Variants in COL18A1 observed in about 807,000 individuals in gnomAD.
COL18A1 encodes collagen alpha-1(XVIII) chain.
A neutral mutation model predicts 168.0 loss-of-function variants in COL18A1; 133 were observed. The ratio of observed to expected loss-of-function variants is 0.79; its 90% CI spans 0.69 to 0.91. The LOEUF is 0.91. Among genes scored for constraint, COL18A1 ranks in the 40% least tolerant of loss-of-function variants. The pLI, the probability that COL18A1 is intolerant of heterozygous loss-of-function variation, is 0.00. For synonymous variants in COL18A1, 949 were observed against 809.0 expected (o/e 1.17, Z -2.94); for missense variants, 2,126 against 1,925.4 (o/e 1.10, Z -1.95).
Position 45,468,792 on chromosome 21 carries a change from C to G in COL18A1, c.651+6C>G, listed in dbSNP as rs755778352. The G allele has an allele frequency of 2.0e-5, 31 of 1,584,978 alleles. No individual in the cohort carries two copies. The East Asian group carries it at 6.3e-4, about 32-fold the overall frequency. On this transcript the variant is annotated splice_donor_region_variant and intron_variant, in intron 3 of 41. Coordinates refer to ENST00000651438, the MANE Select transcript of COL18A1 (RefSeq NM_001379500.1). ...CGGACCCTGACAAGTTCCAGGTAAC[C>G]CCCACTGTGCCGTCGCTGGGGGACT...
chr21:45,511,318 T>G, intron 41 of COL18A1, 92 bp downstream of exon 41: 1 of 730,722 alleles, frequency 1.4e-6, no homozygotes, highest in Non-Finnish European at 2.5e-6. Flanking sequence ...CCCCGAGTTT[T>G]TGGACAAATC....
chr21:45,499,940 G>A (rs183754214), intron 32 of COL18A1, among the ~76,000 whole-genome samples: 103 of 152,366 alleles, frequency 6.8e-4, no homozygotes, highest in Middle Eastern at 6.8e-3. Context: ...CTGTAAGTAT[G>A]ACGAGGGTAG....
chr21:45,472,946 G>GCCA (rs2035499052), intron 3 of COL18A1, among the ~76,000 whole-genome samples: 1 of 152,226 alleles, frequency 6.6e-6, no homozygotes, highest in African/African-American at 2.4e-5. Flanking sequence ...CCACTCCTGA[G>GCCA]CCACCTGCCT....
chr21:45,510,525 C>T (rs372046314), intron 40 of COL18A1, among the ~76,000 whole-genome samples: 7 of 152,170 alleles, frequency 4.6e-5, no homozygotes, highest in Non-Finnish European at 7.4e-5. Flanking sequence ...CCCGCTCCCC[C>T]GGCAGTGCCC....
intron 36 of COL18A1, 25 bp downstream of exon 36, chr21:45,505,456 G>T: frequency 7.6e-7 from 1 of 1,312,244 alleles, no homozygotes; most frequent in Non-Finnish European, 1.1e-6. Flanking sequence ...AGCCGGCTGG[G>T]CACCTGCGTC....
In COL18A1 at chr21:45,508,463, A is replaced by ATGGATGG. The variant is rs796574229; in HGVS notation, c.3249+874_3249+875insTGGTGGA. Among the ~76,000 whole-genome samples the ATGGATGG allele has an allele frequency of 4.2e-5, 3 of 71,780 alleles. 1 individual carries two copies. Among genetic ancestry groups the ATGGATGG allele is most frequent in the African/African-American group, 6.0e-5 (1 of 16,618 alleles). The allele number at this position is 71,780 out of a possible 152,430, so 47.1% of individuals were successfully genotyped here. On this transcript the variant is annotated intron_variant, in intron 38 of 41. Coordinates refer to ENST00000651438, the MANE Select transcript of COL18A1 (RefSeq NM_001379500.1). ...GGTAAGTGGGTGAGTGGATGGGTGG[A>ATGGATGG]TGGACAGGTGGGTGAGTGGATGGGT...
intron 2 of COL18A1, among the ~76,000 whole-genome samples, chr21:45,427,984 G>A (rs7278597): frequency 7.9e-4 from 121 of 152,304 alleles, no homozygotes; most frequent in African/African-American, 2.5e-3. Context: ...CTGCAGAGCC[G>A]GGAGGACACG....
intron 2 of COL18A1, chr21:45,424,361 G>A (rs891233708): frequency 9.8e-5 from 15 of 152,524 alleles, no homozygotes; most frequent in African/African-American, 3.6e-4. Flanking sequence ...CGGAGAGCCA[G>A]GTGAGGAGGT....
chr21:45,505,906 C>T lies in COL18A1; in HGVS notation c.3156C>T (p.Ile1052=). The change falls in exon 37 of 42, where the codon ATC becomes ATT. Residue 1052 remains isoleucine (I), a synonymous_variant. Coordinates refer to ENST00000651438, the MANE Select transcript of COL18A1 (RefSeq NM_001379500.1). ...QVHEVPEGWL[I]FVAEQEELYV... ...ACGAGGTTCCCGAGGGCTGGCTCAT[C>T]TTCGTGGCCGAGCAGGAGGAGCTCT... 1.2e-6 allele frequency: 2 copies of T among 1,613,036 alleles called. No homozygotes were observed. Among genetic ancestry groups the T allele is most frequent in the Non-Finnish European group, 1.7e-6 (2 of 1,179,948 alleles).
chr21:45,473,456 A>G lies in COL18A1; in HGVS notation c.652-439A>G, dbSNP rs2236455. ...TCAAAGAAAGCAAAGCCATGGTGCCACCTCGGTTGGTCCGAGTCGGGAGAT... is the reference window on the plus strand; with the variant it reads ...TCAAAGAAAGCAAAGCCATGGTGCCGCCTCGGTTGGTCCGAGTCGGGAGAT... On this transcript the variant is annotated intron_variant, in intron 3 of 41. Coordinates refer to ENST00000651438, the MANE Select transcript of COL18A1 (RefSeq NM_001379500.1). This position sits in a 1 kb window ranked among gnomAD's most constrained non-coding sequence, Gnocchi z 4.0. 0.22 allele frequency among the ~76,000 whole-genome samples: 33,481 copies of G among 152,162 alleles called. 5,104 individuals carry two copies. The highest frequency in any genetic ancestry group is 0.43 in the African/African-American group (17,762 of 41,486).
At chr21:45,480,575 GC>G in intron 12 of COL18A1, 55 bp downstream of exon 12, 1 of 1,613,886 alleles carries the variant, frequency 6.2e-7, no homozygotes, top group Admixed American at 1.7e-5. Flanking sequence ...TGAGGAACAG[GC>G]CATGGACCCC....
rs1260193788 is a variant in COL18A1 at position 45,468,427 on chromosome 21, A to T, written c.292A>T (p.Ile98Phe). The change falls in exon 3 of 42, where the codon ATC becomes TTC. Residue 98 changes from isoleucine to phenylalanine, a missense_variant. By Grantham distance (21) the Ile-to-Phe change is conservative. Coordinates refer to ENST00000651438, the MANE Select transcript of COL18A1 (RefSeq NM_001379500.1). ...CCGTGACTTCTCACTGCTGTTCCAC[A>T]TCCGGCCAGCCACAGAGGGCCCAGG... ...FFRDFSLLFH[I>F]RPATEGPGVL... is the part of the protein sequence containing the mutation. 1.9e-6 allele frequency: 3 copies of T among 1,613,886 alleles called. No individual in the cohort carries two copies. The African/African-American group carries it at 4.0e-5, about 22-fold the overall frequency.
At chr21:45,482,428 C>A (rs1324524476) in intron 14 of COL18A1, 1 of 581,726 alleles carries the variant, frequency 1.7e-6, no homozygotes, top group Non-Finnish European at 3.2e-6. Context: ...TCCAGCATGA[C>A]CTCAGATGAG....
chr21:45,488,343 G>T, intron 17 of COL18A1, 75 bp from the exon 18 acceptor site: 9 of 1,599,390 alleles, frequency 5.6e-6, no homozygotes, highest in Non-Finnish European at 7.7e-6. Flanking sequence ...TTACTAGCGG[G>T]CTTTTCTTGC....
rs138419367 is a variant in COL18A1 at position 45,412,237 on chromosome 21, CT to C, written c.106+6780del. Among the ~76,000 whole-genome samples the C allele has an allele frequency of 9.3e-4, 49 of 52,572 alleles. 1 individual carries two copies. The highest frequency in any genetic ancestry group is 1.5e-3 in the South Asian group (2 of 1,370). 34.5% of individuals were successfully genotyped at this position (52,572 alleles called of 152,430 possible). A position where few individuals can be genotyped will look rare whatever the true frequency, so the allele number is the denominator to read the frequency against. ...TATTTCTTTAACTGGGGGTATATTTCTTTTTTTTTTTTTTTTCGAGATGGAG... is the reference window on the plus strand; with the variant it reads ...TATTTCTTTAACTGGGGGTATATTTCTTTTTTTTTTTTTTTCGAGATGGAG... On this transcript the variant is annotated intron_variant, in intron 2 of 41. Coordinates refer to ENST00000651438, the MANE Select transcript of COL18A1 (RefSeq NM_001379500.1).
At chr21:45,494,998 C>A in intron 28 of COL18A1, 83 bp downstream of exon 28, 1 of 1,265,042 alleles carries the variant, frequency 7.9e-7, no homozygotes, top group Admixed American at 1.9e-5. Flanking sequence ...GGTGACATGC[C>A]CAGAGGGGAG....
intron 38 of COL18A1, among the ~76,000 whole-genome samples, chr21:45,509,074 G>C (rs748332278): frequency 2.0e-5 from 3 of 152,076 alleles, no homozygotes; most frequent in Non-Finnish European, 4.4e-5. Flanking sequence ...GCAAAGGAGA[G>C]GGCAGGTCAG....
rs1366597121 is a variant in COL18A1, at chr21:45,471,434, A to G, written c.652-2461A>G. 6.6e-6 allele frequency among the ~76,000 whole-genome samples: 1 copy of G among 152,220 alleles called. No individual in the cohort carries two copies. The highest frequency in any genetic ancestry group is 1.5e-5 in the Non-Finnish European group (1 of 68,030). On this transcript the variant is annotated intron_variant, in intron 3 of 41. Transcript: ENST00000651438. The surrounding 1 kb of genome is among the most constrained non-coding windows in gnomAD (Gnocchi z 4.4). ...TGACTCATAATTTTTGGCAGAAACAAGCACAGAGCTTTGGGAGCAGGGAGG... is the reference window on the plus strand; with the variant it reads ...TGACTCATAATTTTTGGCAGAAACAGGCACAGAGCTTTGGGAGCAGGGAGG...
chr21:45,456,795 G>T (rs944538705), intron 2 of COL18A1: 4 of 1,539,928 alleles, frequency 2.6e-6, no homozygotes, highest in Non-Finnish European at 3.5e-6. Flanking sequence ...TGTTGGAGCC[G>T]CCTGGGCGGG....
Sources: gnomAD v4.1 joint callset for allele counts (sites outside exome capture counted in the v4.1 genomes callset) on GRCh38, gnomAD v4.1.1 for gene constraint, Gnocchi (gnomAD v3.1) non-coding constraint, MANE v1.5 for transcripts, NCBI Gene and HGNC (gene_info 2026-07-23, HGNC 2026-07-21) for gene names.